NCAM1: variants seen among roughly 807,000 people sequenced by gnomAD.
The protein encoded by NCAM1 is antigen recognized by monoclonal antibody 5.1H11.
NCAM1 carries 14 observed loss-of-function variants against 109.8 expected under a neutral mutation model. That is an observed-to-expected ratio of 0.13 (90% CI 0.08 to 0.20). The LOEUF (loss-of-function observed/expected upper bound fraction) is 0.20. Among genes scored for constraint, NCAM1 ranks in the 10% least tolerant of loss-of-function variants. The probability of loss-of-function intolerance (pLI) is 1.00; values close to 1 mark genes in which losing one functional copy is unlikely to be tolerated. For synonymous variants in NCAM1, 418 were observed against 442.9 expected (o/e 0.94, Z 0.70); for missense variants, 774 against 1,109.9 (o/e 0.70, Z 4.30).
chr11:113,266,235 A>G (rs1205733912), intron 17 of NCAM1, among the ~76,000 whole-genome samples: 1 of 152,236 alleles, frequency 6.6e-6, no homozygotes, highest in East Asian at 1.9e-4. Context: ...CTGAGAGGGA[A>G]TGGGTGTTGG....
intron 1 of NCAM1, among the ~76,000 whole-genome samples, chr11:113,163,143 T>A (rs1942659779): frequency 6.6e-6 from 1 of 152,170 alleles, no homozygotes; most frequent in Non-Finnish European, 1.5e-5. Flanking sequence ...TCTGCTGACC[T>A]CCTTCTGCTC....
At chr11:113,241,404 G>A (rs375460867) in intron 14 of NCAM1, among the ~76,000 whole-genome samples, 21 of 152,150 alleles carry the variant, frequency 1.4e-4, no homozygotes, top group African/African-American at 5.1e-4. Context: ...TAGGCAAATC[G>A]TTTAACCCTT....
chr11:113,139,781 G>C (rs1941746114), intron 1 of NCAM1, among the ~76,000 whole-genome samples: 1 of 151,818 alleles, frequency 6.6e-6, no homozygotes, highest in African/African-American at 2.4e-5. Flanking sequence ...TCAGAAAGGA[G>C]AAAAAAGATT....
At position 113,079,362 on chromosome 11, in the gene NCAM1, T is replaced by C. The variant is rs189296566; in HGVS notation, c.52+117698T>C. ...GTAAGCCTCAAACCGGGGATCCAGC[T>C]CCAGAGCTGTGCCCGCAGTGACCCC... On this transcript the variant is annotated intron_variant, in intron 1 of 19. Transcript: ENST00000316851. Among the ~76,000 whole-genome samples the C allele has an allele frequency of 7.6e-4, 115 of 152,286 alleles. 1 individual carries two copies. Among genetic ancestry groups the C allele is most frequent in the Non-Finnish European group, 2.9e-5 (2 of 68,028 alleles).
At chr11:113,121,225 CT>C (rs3051885) in intron 1 of NCAM1, among the ~76,000 whole-genome samples, 5 of 125,340 alleles carry the variant, frequency 4.0e-5, no homozygotes, top group African/African-American at 6.1e-5. Flanking sequence ...CAACACCAAT[CT>C]TTTTTTTTTT....
intron 1 of NCAM1, among the ~76,000 whole-genome samples, chr11:113,100,393 A>G (rs1420996369): frequency 6.6e-6 from 1 of 152,154 alleles, no homozygotes; most frequent in Non-Finnish European, 1.5e-5. Context: ...CTAAGTGTTA[A>G]CCAGCTCAGT....
rs1945127821 is a variant in NCAM1, at chr11:113,235,181, G to A, written c.1825+17G>A. 1 of 1,613,832 alleles carries A rather than the reference G, an allele frequency of 6.2e-7. No individual in the cohort carries two copies. The highest frequency in any genetic ancestry group is 2.2e-5 in the East Asian group (1 of 44,876). Reference sequence around the variant, plus strand: ...AGCCAGTCCGTAAGTAAAGCCAGCTGCCCCCCTTTTCCCAGCCCACCTTCT... The same window carrying A: ...AGCCAGTCCGTAAGTAAAGCCAGCTACCCCCCTTTTCCCAGCCCACCTTCT... On this transcript the variant is annotated intron_variant, in intron 14 of 19. Coordinates refer to ENST00000316851, the MANE Select transcript of NCAM1 (RefSeq NM_181351.5).
At chr11:113,145,396 T>G (rs117469578) in intron 1 of NCAM1, among the ~76,000 whole-genome samples, 1,583 of 152,332 alleles carry the variant, frequency 0.01, 14 homozygotes, top group Non-Finnish European at 0.017. Context: ...ATTCACTACA[T>G]TATATGAAAT....
intron 1 of NCAM1, among the ~76,000 whole-genome samples, chr11:112,968,674 C>T (rs1950790930): frequency 1.3e-5 from 2 of 152,124 alleles, no homozygotes; most frequent in South Asian, 4.1e-4. Context: ...GTAACACATA[C>T]ATTTATAATT....
chr11:113,230,385 G>GT (rs1555116989), intron 9 of NCAM1, among the ~76,000 whole-genome samples: 1 of 152,176 alleles, frequency 6.6e-6, no homozygotes, highest in Admixed American at 6.5e-5. Context: ...TGCTAGAGTT[G>GT]TTTTTTAGCT....
intron 1 of NCAM1, among the ~76,000 whole-genome samples, chr11:113,102,132 G>A (rs140706601): frequency 3.5e-4 from 54 of 152,138 alleles, no homozygotes; most frequent in African/African-American, 1.3e-3. Context: ...GTATAATGTC[G>A]AGAATAATCA....
At chr11:113,100,844 G>A (rs1939844457) in intron 1 of NCAM1, among the ~76,000 whole-genome samples, 1 of 152,096 alleles carries the variant, frequency 6.6e-6, no homozygotes, top group Non-Finnish European at 1.5e-5. Context: ...TTGTGAGTGG[G>A]GCTTTTGCGA....
At chr11:113,080,746 G>C (rs934491657) in intron 1 of NCAM1, among the ~76,000 whole-genome samples, 3 of 152,232 alleles carry the variant, frequency 2.0e-5, no homozygotes, top group African/African-American at 4.8e-5. Context: ...GCCATACATA[G>C]AGTCACATTA....
chr11:113,158,975 T>G (rs1400811150), intron 1 of NCAM1, among the ~76,000 whole-genome samples: 1 of 152,256 alleles, frequency 6.6e-6, no homozygotes, highest in Non-Finnish European at 1.5e-5. Flanking sequence ...CCACACTATT[T>G]CTAACAATAG....
At chr11:113,230,780 G>A (rs1944982301) in intron 9 of NCAM1, among the ~76,000 whole-genome samples, 1 of 152,192 alleles carries the variant, frequency 6.6e-6, no homozygotes, top group African/African-American at 2.4e-5. Flanking sequence ...CTGAAGTTAA[G>A]CCACATGCCT....
chr11:113,252,551 T>C (rs1032169630), intron 15 of NCAM1, among the ~76,000 whole-genome samples: 8 of 152,196 alleles, frequency 5.3e-5, no homozygotes, highest in Non-Finnish European at 1.0e-4. Flanking sequence ...CAGTGCCTAA[T>C]AGACTACCTG....
At chr11:113,108,667 A>C (rs1283386497) in intron 1 of NCAM1, among the ~76,000 whole-genome samples, 1 of 152,072 alleles carries the variant, frequency 6.6e-6, no homozygotes, top group African/African-American at 2.4e-5. Context: ...ACTTTGTACT[A>C]TCTGAAATAA....
intron 1 of NCAM1, among the ~76,000 whole-genome samples, chr11:113,013,921 C>A (rs1555074897): frequency 6.6e-6 from 1 of 152,212 alleles, no homozygotes; most frequent in Non-Finnish European, 1.5e-5. Context: ...GATTTTGATA[C>A]ATGATACCTG....
At chr11:112,994,473 C>G (rs929765046) in intron 1 of NCAM1, among the ~76,000 whole-genome samples, 1 of 152,110 alleles carries the variant, frequency 6.6e-6, no homozygotes, top group East Asian at 1.9e-4. Flanking sequence ...AATTCATTTT[C>G]TTGTTTATGT....
Sources: gnomAD v4.1 joint callset for allele counts (sites outside exome capture counted in the v4.1 genomes callset) on GRCh38, gnomAD v4.1.1 for gene constraint, MANE v1.5 for transcripts, NCBI Gene and HGNC (gene_info 2026-07-23, HGNC 2026-07-21) for gene names.